Variants in RNF43 observed in about 807,000 individuals in gnomAD.
RNF43 encodes the protein E3 ubiquitin-protein ligase RNF43.
A neutral mutation model predicts 78.4 loss-of-function variants in RNF43; 37 were observed. The ratio of observed to expected loss-of-function variants is 0.47; its 90% CI spans 0.36 to 0.62. The LOEUF (loss-of-function observed/expected upper bound fraction) is 0.62. RNF43 is among the 20% of genes least tolerant of loss of function. The probability of loss-of-function intolerance (pLI) is 0.00; values close to 1 mark genes in which losing one functional copy is unlikely to be tolerated. For synonymous variants in RNF43, 347 were observed against 395.0 expected (o/e 0.88, Z 1.44); for missense variants, 774 against 1,007.9 (o/e 0.77, Z 3.14).
chr17:58,416,256 C>A (rs147946247), intron 1 of RNF43: 1 of 152,498 alleles, frequency 6.6e-6, no homozygotes, highest in South Asian at 2.1e-4. Flanking sequence ...TTTCTAGGCC[C>A]ACTGCATTTA....
At chr17:58,373,377 A>T (rs1390170684) in intron 2 of RNF43, among the ~76,000 whole-genome samples, 1 of 152,212 alleles carries the variant, frequency 6.6e-6, no homozygotes, top group Non-Finnish European at 1.5e-5. Context: ...ACCTGGTATG[A>T]GCCACCAAAC....
intron 2 of RNF43, among the ~76,000 whole-genome samples, chr17:58,381,686 T>C (rs943520221): frequency 1.3e-5 from 2 of 152,170 alleles, no homozygotes; most frequent in African/African-American, 4.8e-5. Context: ...AAATTCCCAA[T>C]AGTAGCATCT....
chr17:58,366,751 C>G (rs1350575745), intron 3 of RNF43, among the ~76,000 whole-genome samples: 2 of 152,130 alleles, frequency 1.3e-5, no homozygotes, highest in East Asian at 3.8e-4. Flanking sequence ...TAAACGAATC[C>G]ACACAAAGCA....
At position 58,358,170 on chromosome 17, in the gene RNF43, C is replaced by G. The variant is rs773453980; in HGVS notation, c.1606G>C (p.Val536Leu). Residue 536 changes from valine to leucine, a missense_variant, in exon 9 of 10, where the codon GTG becomes CTG. Transcript: ENST00000407977. This position sits in a 1 kb window ranked among gnomAD's most constrained non-coding sequence, Gnocchi z 6.2. Reference sequence around the variant, plus strand: ...ACCTGGGTTTCCCCTGTGGGCACCACCGAGTCCAAGGAACGAGGCCGAGAG... The same window carrying G: ...ACCTGGGTTTCCCCTGTGGGCACCAGCGAGTCCAAGGAACGAGGCCGAGAG... ...VTSRPRSLDS[V>L]VPTGETQVSS... The G allele has an allele frequency of 7.4e-6, 12 of 1,612,564 alleles. No individual in the cohort carries two copies. The highest frequency in any genetic ancestry group is 9.3e-6 in the Non-Finnish European group (11 of 1,179,482).
chr17:58,384,296 C>T (rs1191395797), intron 2 of RNF43, among the ~76,000 whole-genome samples: 1 of 152,188 alleles, frequency 6.6e-6, no homozygotes, highest in Admixed American at 6.5e-5. Context: ...GAGGTGCCAT[C>T]ACCACACTGA....
intron 2 of RNF43, among the ~76,000 whole-genome samples, chr17:58,407,681 T>C (rs1408015658): frequency 6.6e-6 from 1 of 152,142 alleles, no homozygotes; most frequent in Non-Finnish European, 1.5e-5. Context: ...TATAAAGTTT[T>C]CCATTAGAGC....
Position 58,415,704 on chromosome 17 carries a change from T to A in RNF43, c.-127A>T. The A allele has an allele frequency of 8.5e-7, 1 of 1,170,808 alleles. No individual in the cohort carries two copies. Among genetic ancestry groups the A allele is most frequent in the Non-Finnish European group, 1.2e-6 (1 of 846,800 alleles). The allele number at this position is 1,170,808 out of a possible 1,614,324, so 72.5% of individuals were successfully genotyped here. On this transcript the variant is annotated 5_prime_UTR_variant, in exon 2 of 10. Coordinates refer to ENST00000407977, the MANE Select transcript of RNF43 (RefSeq NM_017763.6). The stretch of plus-strand genomic sequence containing the variant: ...TATGCTTCCGTTTCAGAAAGCCAAG[T>A]CGTAGTTTTGGCCCTTCCTTTCTCT...
chr17:58,359,734 C>T (rs1972788736), intron 8 of RNF43, among the ~76,000 whole-genome samples: 1 of 152,028 alleles, frequency 6.6e-6, no homozygotes, highest in South Asian at 2.1e-4. Context: ...TGAGACCAGC[C>T]TGACCAACAT....
intron 2 of RNF43, among the ~76,000 whole-genome samples, chr17:58,407,329 C>T (rs1973933044): frequency 6.6e-6 from 1 of 152,078 alleles, no homozygotes; most frequent in Admixed American, 6.5e-5. Context: ...ATCCACCTGC[C>T]CTAGCCCCAC....
At chr17:58,399,886 C>A (rs1034881057) in intron 2 of RNF43, among the ~76,000 whole-genome samples, 5 of 152,074 alleles carry the variant, frequency 3.3e-5, no homozygotes, top group Non-Finnish European at 5.9e-5. Context: ...ATGATCCACC[C>A]GCCTCAGCCT....
chr17:58,360,746 G>A lies in RNF43; in HGVS notation c.849+37C>T. ...CCCTCCCCCAGCTTCAATCTCCCCA[G>A]TCTGGTCATGGAGGTGAACCACAAG... On this transcript the variant is annotated intron_variant, in intron 7 of 9. Transcript: ENST00000407977. The surrounding 1 kb of genome is among the most constrained non-coding windows in gnomAD (Gnocchi z 4.3). 6.4e-7 allele frequency: 1 copy of A among 1,567,056 alleles called. No homozygotes were observed. Among genetic ancestry groups the A allele is most frequent in the South Asian group, 1.2e-5 (1 of 84,628 alleles).
intron 2 of RNF43, among the ~76,000 whole-genome samples, chr17:58,388,684 T>C (rs904483402): frequency 1.5e-5 from 2 of 135,798 alleles, no homozygotes; most frequent in East Asian, 4.3e-4. Flanking sequence ...GTAAAGCCAA[T>C]AGGTCCTACA....
chr17:58,380,935 G>A (rs921835205), intron 2 of RNF43, among the ~76,000 whole-genome samples: 1 of 152,196 alleles, frequency 6.6e-6, no homozygotes, highest in African/African-American at 2.4e-5. Flanking sequence ...GGCAGATACT[G>A]TCTCCAAATG....
intron 9 of RNF43, among the ~76,000 whole-genome samples, chr17:58,356,070 C>T (rs1466614294): frequency 6.6e-6 from 1 of 152,184 alleles, no homozygotes; most frequent in Non-Finnish European, 1.5e-5. Context: ...ACTCAAAGTA[C>T]ACACACAATA....
At chr17:58,411,529 T>C (rs2143681853) in intron 2 of RNF43, among the ~76,000 whole-genome samples, 1 of 152,246 alleles carries the variant, frequency 6.6e-6, no homozygotes, top group African/African-American at 2.4e-5. Context: ...TGCTCACTGC[T>C]ACTGGCCAAG....
intron 5 of RNF43, 78 bp from the exon 6 acceptor site, chr17:58,362,726 G>T: frequency 8.8e-7 from 1 of 1,130,540 alleles, no homozygotes; most frequent in Non-Finnish European, 1.3e-6. Context: ...ACAGGAGCCC[G>T]GGAGGCACAT....
In RNF43 at chr17:58,362,530, C is replaced by G. The variant is rs200006341; in HGVS notation, c.687+14G>C. On this transcript the variant is annotated intron_variant, in intron 6 of 9. Coordinates refer to ENST00000407977, the MANE Select transcript of RNF43 (RefSeq NM_017763.6). ...GCACACGTTCACCGCCGCCAAAGAC[C>G]CCACACTGCTCACCGGCCTGCTGTG... The G allele has an allele frequency of 1.3e-6, 2 of 1,598,046 alleles. No individual in the cohort carries two copies. Among genetic ancestry groups the G allele is most frequent in the East Asian group, 2.3e-5 (1 of 43,948 alleles).
chr17:58,375,792 G>A (rs1239631034), intron 2 of RNF43, among the ~76,000 whole-genome samples: 2 of 152,318 alleles, frequency 1.3e-5, no homozygotes, highest in South Asian at 2.1e-4. Flanking sequence ...AAAAAAGAAC[G>A]ACAGTTATTT....
At chr17:58,402,392 T>C (rs1973822436) in intron 2 of RNF43, among the ~76,000 whole-genome samples, 1 of 152,250 alleles carries the variant, frequency 6.6e-6, no homozygotes, top group South Asian at 2.1e-4. Flanking sequence ...GAATGTACTT[T>C]GCCCAAGGCA....
Sources: allele counts gnomAD v4.1 joint callset (sites outside exome capture counted in the v4.1 genomes callset), GRCh38; gene constraint gnomAD v4.1.1; non-coding constraint Gnocchi (gnomAD v3.1); transcripts MANE v1.5; gene names NCBI Gene and HGNC (gene_info 2026-07-23, HGNC 2026-07-21).